Variants in PI4KA observed in about 807,000 individuals in gnomAD.
The protein encoded by PI4KA is PI4-kinase alpha.
A neutral mutation model predicts 271.4 loss-of-function variants in PI4KA; 122 were observed. The observed-to-expected ratio is 0.45, with a 90% confidence interval of 0.39 to 0.52. The LOEUF (loss-of-function observed/expected upper bound fraction) is 0.52. Ranked by LOEUF, PI4KA falls within the 20% of genes least tolerant of loss-of-function variation. The pLI is 0.00. For missense variants in PI4KA, 1,969 were observed against 2,769.1 expected (o/e 0.71, Z 6.48); for synonymous variants, 1,041 against 1,078.8 (o/e 0.96, Z 0.69).
chr22:20,853,422 A>G (rs907222949), intron 1 of PI4KA, among the ~76,000 whole-genome samples: 1 of 152,256 alleles, frequency 6.6e-6, no homozygotes, highest in Admixed American at 6.5e-5. Flanking sequence ...GAGAACCAGG[A>G]AAGCAGAACA....
chr22:20,765,071 C>T lies in PI4KA; in HGVS notation c.2574+29G>A, dbSNP rs746952458. Reference sequence around the variant, plus strand: ...GATCTGCCCTAATTGGCACAGAGAGCATGGTAAAAATGAGATGTGAATCCT... The same window carrying T: ...GATCTGCCCTAATTGGCACAGAGAGTATGGTAAAAATGAGATGTGAATCCT... On this transcript the variant is annotated intron_variant, in intron 21 of 54. Coordinates refer to ENST00000255882, the MANE Select transcript of PI4KA (RefSeq NM_058004.4). The T allele has an allele frequency of 2.4e-5, 38 of 1,600,318 alleles. 1 individual carries two copies. The South Asian group carries it at 3.9e-4, about 16-fold the overall frequency.
chr22:20,822,919 A>G (rs569793698), intron 4 of PI4KA, among the ~76,000 whole-genome samples: 210 of 152,158 alleles, frequency 1.4e-3, no homozygotes, highest in Middle Eastern at 3.4e-3. Flanking sequence ...TTTCCATTTT[A>G]TTTATTTATT....
intron 19 of PI4KA, chr22:20,779,722 T>G: frequency 6.2e-7 from 1 of 1,614,232 alleles, no homozygotes; most frequent in Non-Finnish European, 8.5e-7. Context: ...GCTTTCAACC[T>G]CTACCGAGTG....
intron 2 of PI4KA, 148 bp downstream of exon 2, chr22:20,838,467 C>G (rs1428646607): frequency 1.9e-6 from 1 of 520,656 alleles, no homozygotes; most frequent in Admixed American, 3.6e-5. Flanking sequence ...TCATTCCCAC[C>G]TTGTCCTACC....
rs571266695 is a variant in PI4KA at position 20,712,814 on chromosome 22, C to T, written c.5572-17G>A. The T allele has an allele frequency of 3.2e-4, 498 of 1,550,486 alleles. 2 individuals carry two copies. In the East Asian group the frequency reaches 0.011, roughly 34 times the overall value. ...CAGCATGTCCTGGGAAGCCGGGAGG[C>T]GCAGGATGCGGTCAGTTGGCGTCCT... On this transcript the variant is annotated splice_polypyrimidine_tract_variant and intron_variant, in intron 48 of 54. Coordinates refer to ENST00000255882, the MANE Select transcript of PI4KA (RefSeq NM_058004.4).
chr22:20,759,248 A>AG (rs1448128200), intron 23 of PI4KA, among the ~76,000 whole-genome samples: 1 of 152,104 alleles, frequency 6.6e-6, no homozygotes, highest in Non-Finnish European at 1.5e-5. Flanking sequence ...ATTGCTATGT[A>AG]GCCCAGGCTG....
Position 20,734,490 on chromosome 22 carries a change from C to A in PI4KA, c.3805G>T (p.Ala1269Ser), listed in dbSNP as rs370877255. 4.4e-5 allele frequency: 71 copies of A among 1,613,746 alleles called. No homozygotes were observed. The highest frequency in any genetic ancestry group is 5.2e-5 in the Non-Finnish European group (61 of 1,179,870). The change falls in exon 33 of 55, where the codon GCT becomes TCT. Residue 1269 changes from alanine (A) to serine (S), a missense_variant. Transcript: ENST00000255882. ...AGGGGGTCTGCTTCCTTTATCTCAG[C>A]AGAAAACAGGCCAAATTTCTGCTCC... ...TVEQKFGLFS[A>S]EIKEADPLAA...
At chr22:20,842,041 C>T (rs1168021865) in intron 1 of PI4KA, among the ~76,000 whole-genome samples, 4 of 152,004 alleles carry the variant, frequency 2.6e-5, no homozygotes, top group Non-Finnish European at 5.9e-5. Flanking sequence ...CATTGTGAAA[C>T]CCCATCTCTA....
chr22:20,792,509 G>A (rs1934709335), intron 19 of PI4KA, among the ~76,000 whole-genome samples: 1 of 152,210 alleles, frequency 6.6e-6, no homozygotes, highest in Non-Finnish European at 1.5e-5. Flanking sequence ...CAGACACAAG[G>A]GATGGCCTAG....
intron 16 of PI4KA, 27 bp from the exon 17 acceptor site, chr22:20,798,714 C>T: frequency 8.1e-6 from 12 of 1,478,300 alleles, no homozygotes; most frequent in Non-Finnish European, 1.1e-5. Flanking sequence ...TGCACTGTCA[C>T]CATGCAGGAT....
chr22:20,785,730 A>G (rs1268353627), intron 19 of PI4KA, among the ~76,000 whole-genome samples: 1 of 152,242 alleles, frequency 6.6e-6, no homozygotes, highest in Non-Finnish European at 1.5e-5. Flanking sequence ...TAAACCAGGA[A>G]AAGTTCTGCT....
At chr22:20,746,840 C>T (rs1029245674) in intron 29 of PI4KA, among the ~76,000 whole-genome samples, 2 of 152,148 alleles carry the variant, frequency 1.3e-5, no homozygotes, top group Admixed American at 6.5e-5. Context: ...GGCACATCCT[C>T]AGGCCCCACA....
At chr22:20,759,285 C>T (rs1424190010) in intron 23 of PI4KA, among the ~76,000 whole-genome samples, 1 of 152,168 alleles carries the variant, frequency 6.6e-6, no homozygotes, top group Admixed American at 6.5e-5. Flanking sequence ...CTCAAGTAAT[C>T]CACTTGGGTT....
chr22:20,766,804 T>G (rs1035317187), intron 19 of PI4KA, among the ~76,000 whole-genome samples: 1 of 152,112 alleles, frequency 6.6e-6, no homozygotes, highest in South Asian at 2.1e-4. Flanking sequence ...CAAACACTTA[T>G]GAGCACCTGG....
rs189806030 is a variant in PI4KA, at chr22:20,723,316, G to A, written c.4996-1898C>T. Among the ~76,000 whole-genome samples the A allele has an allele frequency of 2.9e-3, 436 of 151,612 alleles. 1 individual carries two copies. The highest frequency in any genetic ancestry group is 9.9e-3 in the African/African-American group (411 of 41,350). ...ATTACAAGCGTGAGCCACCGCGCCCGGCCTACTGTTCCCTTTTTTTGTAAA... is the reference window on the plus strand; with the variant it reads ...ATTACAAGCGTGAGCCACCGCGCCCAGCCTACTGTTCCCTTTTTTTGTAAA... On this transcript the variant is annotated intron_variant, in intron 42 of 54. Coordinates refer to ENST00000255882, the MANE Select transcript of PI4KA (RefSeq NM_058004.4).
At chr22:20,740,061 C>CAAAAAAAAAAAAA (rs59323542) in intron 32 of PI4KA, among the ~76,000 whole-genome samples, 1 of 73,372 alleles carries the variant, frequency 1.4e-5, no homozygotes, top group Non-Finnish European at 2.6e-5. Context: ...GACCCCATCT[C>CAAAAAAAAAAAAA]AAAAAAAAAA....
chr22:20,720,482 G>A (rs1390239066), intron 43 of PI4KA, among the ~76,000 whole-genome samples: 1 of 152,166 alleles, frequency 6.6e-6, no homozygotes, highest in East Asian at 1.9e-4. Context: ...AGCCCAGGTG[G>A]TCAAGGCTGC....
intron 3 of PI4KA, among the ~76,000 whole-genome samples, chr22:20,829,143 G>A (rs1179669475): frequency 6.6e-6 from 1 of 152,072 alleles, no homozygotes. Flanking sequence ...GTCTCTGCCA[G>A]GTTTTGGTAT....
intron 17 of PI4KA, among the ~76,000 whole-genome samples, chr22:20,797,813 TCA>T (rs1935071912): frequency 6.6e-6 from 1 of 152,120 alleles, no homozygotes; most frequent in Admixed American, 6.5e-5. Context: ...GGCCTGGACT[TCA>T]CAGTCAGAAG....
Sources: gnomAD v4.1 joint callset for allele counts (sites outside exome capture counted in the v4.1 genomes callset) on GRCh38, gnomAD v4.1.1 for gene constraint, MANE v1.5 for transcripts, NCBI Gene and HGNC (gene_info 2026-07-23, HGNC 2026-07-21) for gene names.